UGCG: variants seen among roughly 807,000 people sequenced by gnomAD.
UGCG encodes UDP-glucose ceramide glucosyltransferase, also known as ceramide glucosyltransferase.
UGCG carries 10 observed loss-of-function variants against 49.5 expected under a neutral mutation model. The ratio of observed to expected loss-of-function variants is 0.20; its 90% CI spans 0.12 to 0.34. The LOEUF is 0.34. Ranked by LOEUF, UGCG falls within the 10% of genes least tolerant of loss-of-function variation. The pLI is 1.00. For synonymous variants in UGCG, 182 were observed against 158.2 expected (o/e 1.15, Z -1.13); for missense variants, 312 against 483.7 (o/e 0.65, Z 3.33).
intron 1 of UGCG, among the ~76,000 whole-genome samples, chr9:111,903,276 T>C (rs1044579377): frequency 4.6e-5 from 7 of 152,254 alleles, no homozygotes; most frequent in African/African-American, 1.4e-4. Flanking sequence ...TATTTAAAAA[T>C]GAGACAGACA....
At chr9:111,931,452 C>T in intron 7 of UGCG, 95 bp downstream of exon 7, 1 of 1,150,810 alleles carries the variant, frequency 8.7e-7, no homozygotes, top group Non-Finnish European at 1.2e-6. Context: ...ATGAATGTAC[C>T]TAAAGGTTGA....
At chr9:111,906,677 G>GT (rs1447645242) in intron 1 of UGCG, among the ~76,000 whole-genome samples, 78 of 152,184 alleles carry the variant, frequency 5.1e-4, no homozygotes, top group African/African-American at 1.8e-3. Flanking sequence ...TGATCCACCT[G>GT]CCTCAGCCTC....
At chr9:111,914,520 T>C in intron 1 of UGCG, 85 bp from the exon 2 acceptor site, 1 of 1,330,470 alleles carries the variant, frequency 7.5e-7, no homozygotes, top group Non-Finnish European at 1.0e-6. Flanking sequence ...ACTTAGAATT[T>C]AGGGATTTAT....
chr9:111,925,189 G>A (rs191324709), intron 4 of UGCG, among the ~76,000 whole-genome samples: 1 of 152,102 alleles, frequency 6.6e-6, no homozygotes, highest in Non-Finnish European at 1.5e-5. Context: ...TTGTTTGCCT[G>A]ACACTTATCT....
intron 3 of UGCG, 25 bp downstream of exon 3, chr9:111,922,976 C>T (rs779137729): frequency 7.0e-7 from 1 of 1,437,600 alleles, no homozygotes; most frequent in Non-Finnish European, 9.7e-7. Flanking sequence ...CTGTAGTAAC[C>T]ATTTTCCATT....
At chr9:111,908,996 G>A (rs1374025625) in intron 1 of UGCG, among the ~76,000 whole-genome samples, 1 of 152,128 alleles carries the variant, frequency 6.6e-6, no homozygotes, top group Non-Finnish European at 1.5e-5. Context: ...TCGGCTCACT[G>A]CAACCTCTGC....
chr9:111,923,292 ACAAGAAGGGTATTTTTC>A (rs999604931), intron 3 of UGCG, among the ~76,000 whole-genome samples: 1 of 151,940 alleles, frequency 6.6e-6, no homozygotes, highest in African/African-American at 2.4e-5. Context: ...TTATTACATT[ACAAGAAGGGTATTTTTC>A]CAAAAGCCTA....
chr9:111,919,201 A>T (rs1447233157), intron 2 of UGCG, among the ~76,000 whole-genome samples: 2 of 152,228 alleles, frequency 1.3e-5, no homozygotes, highest in Non-Finnish European at 2.9e-5. Context: ...ACAAAATAGC[A>T]TTAAAAAAGC....
intron 1 of UGCG, among the ~76,000 whole-genome samples, chr9:111,907,957 C>G (rs1449454039): frequency 6.6e-6 from 1 of 152,180 alleles, no homozygotes; most frequent in Non-Finnish European, 1.5e-5. Context: ...ATAGGAATCA[C>G]TGTCTTCCTT....
intron 2 of UGCG, among the ~76,000 whole-genome samples, chr9:111,921,667 G>T (rs1838223481): frequency 7.2e-6 from 1 of 138,986 alleles, no homozygotes; most frequent in Non-Finnish European, 1.6e-5. Context: ...AAAAAAAGTT[G>T]GGTTGTTAAT....
intron 1 of UGCG, among the ~76,000 whole-genome samples, chr9:111,912,837 C>T (rs1360102196): frequency 6.6e-6 from 1 of 152,184 alleles, no homozygotes; most frequent in Non-Finnish European, 1.5e-5. Context: ...ATTGATACCA[C>T]CCTGTTCTTT....
In UGCG at chr9:111,932,914, T is replaced by C; in HGVS notation, c.1102T>C (p.Leu368=). Residue 368 remains leucine (L), a synonymous_variant, in exon 9 of 9, where the codon TTA becomes CTA. Transcript: ENST00000374279. The stretch of plus-strand genomic sequence containing the variant: ...GACAATATACATTTTTTTGTCTGCA[T>C]TATGGGACCCAACTATAAGCTGGAG... The part of the protein sequence containing the change: ...SMTIYIFLSA[L]WDPTISWRTG... The C allele has an allele frequency of 1.9e-6, 3 of 1,613,318 alleles. No homozygotes were observed. Among genetic ancestry groups the C allele is most frequent in the Non-Finnish European group, 2.5e-6 (3 of 1,179,552 alleles).
chr9:111,897,060 G>GC lies in UGCG; in HGVS notation c.-152dup. ...GGGCGGGGGCGCGCAGGCCCTGCCC[G>GC]CCCCTTCCGTCCCCACCCCCCTCCG... On this transcript the variant is annotated 5_prime_UTR_variant, in exon 1 of 9. Coordinates refer to ENST00000374279, the MANE Select transcript of UGCG (RefSeq NM_003358.3). The GC allele has an allele frequency of 4.3e-6, 1 of 230,362 alleles. No individual in the cohort carries two copies. 14.3% of individuals were successfully genotyped at this position (230,362 alleles called of 1,614,324 possible).
At chr9:111,905,908 CTGTT>C (rs1167318149) in intron 1 of UGCG, among the ~76,000 whole-genome samples, 1 of 152,168 alleles carries the variant, frequency 6.6e-6, no homozygotes, top group Non-Finnish European at 1.5e-5. Flanking sequence ...CTCTCTGTAT[CTGTT>C]TATTTATTTA....
intron 1 of UGCG, among the ~76,000 whole-genome samples, chr9:111,900,573 A>G (rs1837750044): frequency 6.6e-6 from 1 of 152,106 alleles, no homozygotes; most frequent in Non-Finnish European, 1.5e-5. Flanking sequence ...GCTGACTGCA[A>G]CCACCGCATC....
At chr9:111,928,946 A>C (rs1838372649) in intron 5 of UGCG, among the ~76,000 whole-genome samples, 1 of 152,110 alleles carries the variant, frequency 6.6e-6, no homozygotes, top group Non-Finnish European at 1.5e-5. Flanking sequence ...ATTGAAAAAA[A>C]TGGAGAAATT....
chr9:111,919,426 T>C (rs896601102), intron 2 of UGCG, among the ~76,000 whole-genome samples: 23 of 151,502 alleles, frequency 1.5e-4, no homozygotes, highest in Non-Finnish European at 3.2e-4. Context: ...GAGGCTATAG[T>C]GAGCCAAGAT....
chr9:111,931,541 G>A (rs1029917834), intron 7 of UGCG, among the ~76,000 whole-genome samples, 184 bp downstream of exon 7: 5 of 152,092 alleles, frequency 3.3e-5, no homozygotes, highest in African/African-American at 1.2e-4. Flanking sequence ...TATTTTATTT[G>A]CTGTATAACA....
chr9:111,904,596 C>T (rs971519619), intron 1 of UGCG, among the ~76,000 whole-genome samples: 4 of 152,156 alleles, frequency 2.6e-5, no homozygotes, highest in African/African-American at 7.2e-5. Context: ...CTTGGTGGCT[C>T]ACACCTGTAA....
Sources: allele counts gnomAD v4.1 joint callset (sites outside exome capture counted in the v4.1 genomes callset), GRCh38; gene constraint gnomAD v4.1.1; transcripts MANE v1.5; gene names NCBI Gene and HGNC (gene_info 2026-07-23, HGNC 2026-07-21).